The following AREL1 variants were observed in gnomAD, a reference collection of about 807,000 sequenced individuals.
The protein encoded by AREL1 is apoptosis-resistant E3 ubiquitin protein ligase 1.
A neutral mutation model predicts 99.0 loss-of-function variants in AREL1; 62 were observed. That is an observed-to-expected ratio of 0.63 (90% CI 0.51 to 0.77). The LOEUF is 0.77. Among genes scored for constraint, AREL1 ranks in the 30% least tolerant of loss-of-function variants. AREL1 has a pLI of 0.00. For synonymous variants in AREL1, 380 were observed against 376.5 expected (o/e 1.01, Z -0.11); for missense variants, 879 against 1,027.6 (o/e 0.86, Z 1.98).
chr14:74,693,985 T>C (rs1049682806), intron 1 of AREL1, among the ~76,000 whole-genome samples: 4 of 152,270 alleles, frequency 2.6e-5, no homozygotes, highest in African/African-American at 9.6e-5. Context: ...AAGACCAGCC[T>C]GGGCGACATA....
chr14:74,683,104 T>C (rs1041528026), intron 5 of AREL1, among the ~76,000 whole-genome samples, 192 bp downstream of exon 5: 3 of 152,088 alleles, frequency 2.0e-5, no homozygotes, highest in Non-Finnish European at 2.9e-5. Context: ...TTTGAGGTGA[T>C]GAAAATGCTC....
chr14:74,697,276 C>A (rs2089995173), intron 1 of AREL1, among the ~76,000 whole-genome samples: 1 of 152,050 alleles, frequency 6.6e-6, no homozygotes, highest in Non-Finnish European at 1.5e-5. Context: ...TGATGTCCAC[C>A]AAATGACAAG....
intron 11 of AREL1, chr14:74,671,959 T>A (rs557986591): frequency 4.4e-6 from 2 of 452,894 alleles, no homozygotes; most frequent in Admixed American, 2.4e-5. Context: ...GGGTTTCCAG[T>A]CACACCTACC....
At position 74,684,531 on chromosome 14, in the gene AREL1, C is replaced by T; in HGVS notation, c.166G>A (p.Asp56Asn). Reference protein sequence around the residue: ...IYDYVRGNYLDPRSCKVSWDW... With the variant: ...IYDYVRGNYLNPRSCKVSWDW... ...CAGGAGACTTTGCAAGACCGGGGATCCAGGTAATTTCCCCGCACGTAGTCA... is the reference window on the plus strand; with the variant it reads ...CAGGAGACTTTGCAAGACCGGGGATTCAGGTAATTTCCCCGCACGTAGTCA... Residue 56 changes from aspartate to asparagine, a missense_variant, in exon 4 of 20, where the codon GAT (aspartate) becomes AAT (asparagine). Coordinates refer to ENST00000356357, the MANE Select transcript of AREL1 (RefSeq NM_001039479.2). 1 of 1,614,140 alleles carries T rather than the reference C, an allele frequency of 6.2e-7. No individual in the cohort carries two copies. Among genetic ancestry groups the T allele is most frequent in the Non-Finnish European group, 8.5e-7 (1 of 1,180,024 alleles).
At chr14:74,693,125 C>T (rs541674286) in intron 1 of AREL1, among the ~76,000 whole-genome samples, 12 of 152,168 alleles carry the variant, frequency 7.9e-5, no homozygotes, top group Admixed American at 2.6e-4. Flanking sequence ...GTGAGATGAA[C>T]GCACAGCCAG....
chr14:74,677,103 T>C lies in AREL1; in HGVS notation c.482-351A>G, dbSNP rs902693129. 4.6e-5 allele frequency among the ~76,000 whole-genome samples: 7 copies of C among 151,176 alleles called. No individual in the cohort carries two copies. The East Asian group carries it at 1.4e-3, about 30-fold the overall frequency. On this transcript the variant is annotated intron_variant, in intron 5 of 19. Coordinates refer to ENST00000356357, the MANE Select transcript of AREL1 (RefSeq NM_001039479.2). ...CGTGAGCCACCACGCCCGGCTGGAATCTAACATTTAAAGGTGCTCTTCAGG... is the reference window on the plus strand; with the variant it reads ...CGTGAGCCACCACGCCCGGCTGGAACCTAACATTTAAAGGTGCTCTTCAGG...
chr14:74,711,056 AC>A (rs1218335304), intron 1 of AREL1, among the ~76,000 whole-genome samples: 2 of 150,714 alleles, frequency 1.3e-5, no homozygotes, highest in African/African-American at 4.9e-5. Flanking sequence ...ACATGGAGAA[AC>A]CCCGTCTCTA....
chr14:74,671,593 C>A, intron 11 of AREL1, 110 bp from the exon 12 acceptor site: 1 of 593,926 alleles, frequency 1.7e-6, no homozygotes, highest in Non-Finnish European at 2.9e-6. Flanking sequence ...CTACGACTGC[C>A]TGAAGGAGAT....
At chr14:74,664,613 ATTTT>A (rs747317541) in intron 18 of AREL1, among the ~76,000 whole-genome samples, 1 of 117,994 alleles carries the variant, frequency 8.5e-6, no homozygotes. Context: ...CACCCAGCTA[ATTTT>A]TTTTTTTTTT....
chr14:74,668,576 G>T (rs1236177863), intron 15 of AREL1, among the ~76,000 whole-genome samples: 1 of 151,974 alleles, frequency 6.6e-6, no homozygotes, highest in Non-Finnish European at 1.5e-5. Context: ...TGGGTCTGAG[G>T]ACCCTAATTC....
chr14:74,673,681 T>A (rs747972822), intron 9 of AREL1, among the ~76,000 whole-genome samples: 2 of 152,210 alleles, frequency 1.3e-5, no homozygotes, highest in Admixed American at 6.5e-5. Flanking sequence ...TGTATTTTAA[T>A]ATATGAGAGT....
chr14:74,664,948 T>A, intron 17 of AREL1, 23 bp from the exon 18 acceptor site: 1 of 1,600,586 alleles, frequency 6.2e-7, no homozygotes. Flanking sequence ...GGTAAGGTGT[T>A]ACTATGACAG....
chr14:74,709,692 A>C (rs147148245), intron 1 of AREL1, among the ~76,000 whole-genome samples: 1 of 152,368 alleles, frequency 6.6e-6, no homozygotes, highest in East Asian at 1.9e-4. Flanking sequence ...TTGAAAAATA[A>C]TTAACAGCGA....
chr14:74,684,748 G>T, intron 3 of AREL1, 68 bp from the exon 4 acceptor site: 2 of 1,429,062 alleles, frequency 1.4e-6, no homozygotes, highest in African/African-American at 1.4e-5. Flanking sequence ...TATGCAACAG[G>T]CCAGCCATTT....
At chr14:74,705,923 G>A (rs1338922963) in intron 1 of AREL1, among the ~76,000 whole-genome samples, 2 of 152,202 alleles carry the variant, frequency 1.3e-5, no homozygotes, top group Non-Finnish European at 2.9e-5. Context: ...CAAAGCTAAT[G>A]TTGAGTATAA....
At position 74,692,133 on chromosome 14, in the gene AREL1, C is replaced by T. The variant is rs183399575; in HGVS notation, c.-138G>A. 2 of 444,770 alleles carry T rather than the reference C, an allele frequency of 4.5e-6. No individual in the cohort carries two copies. The highest frequency in any genetic ancestry group is 7.1e-5 in the East Asian group (1 of 14,128). 27.6% of individuals were successfully genotyped at this position (444,770 alleles called of 1,614,324 possible). On this transcript the variant is annotated 5_prime_UTR_variant, in exon 2 of 20. Coordinates refer to ENST00000356357, the MANE Select transcript of AREL1 (RefSeq NM_001039479.2). ...TGGCCCCTTTCACCTTGTCTTCCAA[C>T]TTCCACATGAAAGAAAAACGCCACA... is the stretch of plus-strand genomic sequence containing the variant.
intron 2 of AREL1, among the ~76,000 whole-genome samples, chr14:74,687,721 AGTGCCTGGCACACAGT>A (rs2089778978): frequency 2.6e-5 from 4 of 152,220 alleles, no homozygotes; most frequent in Non-Finnish European, 4.4e-5. Flanking sequence ...AGCCTACAGT[AGTGCCTGGCACACAGT>A]GAGTTCTCAA....
At chr14:74,664,453 T>A (rs1241766231) in intron 18 of AREL1, among the ~76,000 whole-genome samples, 2 of 138,696 alleles carry the variant, frequency 1.4e-5, no homozygotes, top group Non-Finnish European at 1.6e-5. Context: ...CCTTTCTTTT[T>A]TTTTTTTTTT....
intron 11 of AREL1, chr14:74,671,974 C>A (rs1389501426): frequency 6.6e-6 from 3 of 454,450 alleles, no homozygotes; most frequent in Non-Finnish European, 8.9e-6. Context: ...CCTACCAGAG[C>A]CAAACATCAC....
Sources: allele counts gnomAD v4.1 joint callset (sites outside exome capture counted in the v4.1 genomes callset), GRCh38; gene constraint gnomAD v4.1.1; transcripts MANE v1.5; gene names NCBI Gene and HGNC (gene_info 2026-07-23, HGNC 2026-07-21).